The following AGBL1 variants were observed in gnomAD, a reference collection of about 807,000 sequenced individuals.
AGBL1 encodes cytosolic carboxypeptidase 4.
A neutral mutation model predicts 118.9 loss-of-function variants in AGBL1; 130 were observed. That is an observed-to-expected ratio of 1.09 (90% confidence interval 0.95 to 1.26). The LOEUF (loss-of-function observed/expected upper bound fraction) is 1.26, where lower values mean the gene tolerates loss of function less well. AGBL1 is among the 50% of genes most tolerant of loss of function. The pLI is 0.00. For missense variants in AGBL1, 1,584 were observed against 1,298.1 expected (o/e 1.22, Z -3.38); for synonymous variants, 555 against 478.9 (o/e 1.16, Z -2.08).
intron 17 of AGBL1, among the ~76,000 whole-genome samples, chr15:86,298,846 C>G (rs2079699354): frequency 6.6e-6 from 1 of 152,186 alleles, no homozygotes. Context: ...GCTGGGGGAA[C>G]TCCCCTCTCA....
chr15:86,397,305 A>G (rs2081378837), intron 17 of AGBL1, 61 bp from the exon 18 acceptor site: 2 of 1,211,378 alleles, frequency 1.7e-6, no homozygotes, highest in African/African-American at 3.1e-5. Context: ...AGTTTAGAAA[A>G]CTATAAAATA....
intron 22 of AGBL1, among the ~76,000 whole-genome samples, chr15:86,678,420 A>T (rs78130271): frequency 1.3e-5 from 2 of 152,062 alleles, no homozygotes; most frequent in Non-Finnish European, 2.9e-5. Flanking sequence ...AAATCCTTCT[A>T]TATCATGAGG....
chr15:86,597,901 T>C, intron 21 of AGBL1, among the ~76,000 whole-genome samples: 1 of 152,180 alleles, frequency 6.6e-6, no homozygotes, highest in East Asian at 1.9e-4. Context: ...TAGTCTGTTC[T>C]GAAACAGATA....
chr15:86,656,393 G>A (rs2347234), intron 21 of AGBL1, among the ~76,000 whole-genome samples: 36,166 of 151,992 alleles, frequency 0.24, 5,000 homozygotes, highest in East Asian at 0.42. Context: ...GGGCTTTAGG[G>A]GGGTTGCCTG....
intron 21 of AGBL1, among the ~76,000 whole-genome samples, chr15:86,632,545 G>C (rs1596322706): frequency 6.6e-6 from 1 of 152,102 alleles, no homozygotes; most frequent in Admixed American, 6.6e-5. Context: ...AGGTTGTTCA[G>C]ACCTTGCTTC....
chr15:86,522,634 T>C (rs972886696), intron 18 of AGBL1, among the ~76,000 whole-genome samples, 176 bp from the exon 19 acceptor site: 4 of 152,194 alleles, frequency 2.6e-5, no homozygotes, highest in Admixed American at 1.3e-4. Flanking sequence ...TATGATACTT[T>C]GGAGCTTAAA....
At chr15:86,833,300 C>A (rs2079131563) in intron 22 of AGBL1, among the ~76,000 whole-genome samples, 2 of 151,974 alleles carry the variant, frequency 1.3e-5, no homozygotes, top group Non-Finnish European at 2.9e-5. Flanking sequence ...TTGGCTGTGT[C>A]CCCACCCAAA....
intron 23 of AGBL1, among the ~76,000 whole-genome samples, chr15:86,957,987 T>C (rs1270778153): frequency 6.6e-6 from 1 of 151,884 alleles, no homozygotes; most frequent in Non-Finnish European, 1.5e-5. Context: ...GGATCACTAG[T>C]GGCCAGGAGT....
At chr15:86,737,343 C>G (rs368389443) in intron 22 of AGBL1, among the ~76,000 whole-genome samples, 18 of 152,290 alleles carry the variant, frequency 1.2e-4, no homozygotes, top group Middle Eastern at 3.4e-3. Flanking sequence ...GGTGATATTC[C>G]TTGTTCAATG....
At chr15:86,098,530 T>C (rs1036581343) in intron 1 of AGBL1, among the ~76,000 whole-genome samples, 2 of 152,182 alleles carry the variant, frequency 1.3e-5, no homozygotes, top group African/African-American at 4.8e-5. Flanking sequence ...CTCCTACACA[T>C]GAATTTTCAG....
chr15:86,297,268 G>A (rs2079660437), intron 17 of AGBL1, among the ~76,000 whole-genome samples: 1 of 152,038 alleles, frequency 6.6e-6, no homozygotes, highest in African/African-American at 2.4e-5. Context: ...TCAGATAAAT[G>A]CTATGCATTT....
At chr15:86,675,414 A>G (rs2085822906) in intron 22 of AGBL1, among the ~76,000 whole-genome samples, 1 of 152,128 alleles carries the variant, frequency 6.6e-6, no homozygotes, top group African/African-American at 2.4e-5. Flanking sequence ...ATGCCTTAAT[A>G]CTGCTTTGGA....
At chr15:86,923,646 C>A (rs577530870) in intron 23 of AGBL1, among the ~76,000 whole-genome samples, 26 of 152,314 alleles carry the variant, frequency 1.7e-4, no homozygotes, top group African/African-American at 6.0e-4. Flanking sequence ...ATGTGACTGT[C>A]ATATCTCTGC....
chr15:86,383,971 C>T (rs1453094675), intron 17 of AGBL1, among the ~76,000 whole-genome samples: 1 of 152,154 alleles, frequency 6.6e-6, no homozygotes, highest in Non-Finnish European at 1.5e-5. Flanking sequence ...TCTCTTAGTG[C>T]TTTATAATAT....
chr15:87,002,063 T>C (rs545124737), intron 24 of AGBL1, among the ~76,000 whole-genome samples: 6 of 152,222 alleles, frequency 3.9e-5, no homozygotes, highest in African/African-American at 1.4e-4. Flanking sequence ...CATGCCTATG[T>C]CCTCAATGGT....
intron 21 of AGBL1, among the ~76,000 whole-genome samples, chr15:86,575,138 A>G (rs1169180006): frequency 6.6e-6 from 1 of 151,976 alleles, no homozygotes; most frequent in African/African-American, 2.4e-5. Flanking sequence ...ACCGTGAGCC[A>G]AGATCACACC....
intron 21 of AGBL1, among the ~76,000 whole-genome samples, chr15:86,639,276 G>A (rs1337608462): frequency 6.6e-6 from 1 of 152,162 alleles, no homozygotes; most frequent in Non-Finnish European, 1.5e-5. Context: ...CTACCACAAT[G>A]ACCTTGCACT....
chr15:86,755,788 C>T (rs2077930009), intron 22 of AGBL1, among the ~76,000 whole-genome samples: 1 of 152,112 alleles, frequency 6.6e-6, no homozygotes, highest in Non-Finnish European at 1.5e-5. Context: ...GGCAGCCTTG[C>T]ACTATTGTTA....
intron 20 of AGBL1, among the ~76,000 whole-genome samples, chr15:86,553,622 A>C (rs1386244699): frequency 6.6e-6 from 1 of 152,158 alleles, no homozygotes; most frequent in East Asian, 1.9e-4. Context: ...GAAATAAGTG[A>C]ACAGTCCCTA....
Sources: gnomAD v4.1 joint callset for allele counts (sites outside exome capture counted in the v4.1 genomes callset) on GRCh38, gnomAD v4.1.1 for gene constraint, MANE v1.5 for transcripts, NCBI Gene and HGNC (gene_info 2026-07-23, HGNC 2026-07-21) for gene names.